Variants in PLB1 observed in about 807,000 individuals in gnomAD.
The protein encoded by PLB1 is phospholipase B1, membrane-associated.
PLB1 carries 242 observed loss-of-function variants against 227.4 expected under a neutral mutation model. That is an observed-to-expected ratio of 1.06 (90% CI 0.96 to 1.18). The LOEUF (loss-of-function observed/expected upper bound fraction) is 1.18, where lower values mean the gene tolerates loss of function less well. PLB1 is among the 50% of genes most tolerant of loss of function. PLB1 has a pLI of 0.00. For synonymous variants in PLB1, 757 were observed against 682.2 expected (o/e 1.11, Z -1.71); for missense variants, 1,858 against 1,816.3 (o/e 1.02, Z -0.42).
intron 25 of PLB1, among the ~76,000 whole-genome samples, chr2:28,582,741 T>A (rs1487193819): frequency 6.6e-6 from 1 of 152,108 alleles, no homozygotes; most frequent in East Asian, 1.9e-4. Flanking sequence ...CCGCCTCTGT[T>A]GCCATGGCAG....
chr2:28,591,860 G>A, intron 31 of PLB1, 100 bp downstream of exon 31: 1 of 1,173,480 alleles, frequency 8.5e-7, no homozygotes, highest in Non-Finnish European at 1.2e-6. Flanking sequence ...AAATGGCACA[G>A]TGACGGCCAG....
chr2:28,552,878 C>G (rs200614649), intron 16 of PLB1, 50 bp from the exon 17 acceptor site: 93 of 1,520,016 alleles, frequency 6.1e-5, no homozygotes, highest in Admixed American at 5.0e-5. Context: ...TCACCCATTT[C>G]CAGTTTAGAA....
In PLB1 at chr2:28,601,272, C is replaced by CT. The variant is rs760005083; in HGVS notation, c.2548dup (p.Trp850LeufsTer15). ...TATAGAGAGTAAATTTCCATGAAGA[C>CT]TGGAAGGTCATCACAGTGCTGATCG... On this transcript the variant is annotated frameshift_variant, in exon 37 of 58. Transcript: ENST00000327757. LOFTEE classifies it high-confidence loss of function. 11 of 1,613,890 alleles carry CT rather than the reference C, an allele frequency of 6.8e-6. No homozygotes were observed. In the South Asian group the frequency reaches 1.1e-4, roughly 16 times the overall value.
At chr2:28,569,793 C>T (rs556156151) in intron 20 of PLB1, among the ~76,000 whole-genome samples, 14 of 151,552 alleles carry the variant, frequency 9.2e-5, no homozygotes, top group Non-Finnish European at 1.5e-4. Context: ...GGTGAAACCC[C>T]GTCTCTACTA....
chr2:28,586,034 C>A (rs937498234), intron 26 of PLB1, among the ~76,000 whole-genome samples, 192 bp downstream of exon 26: 1 of 152,200 alleles, frequency 6.6e-6, no homozygotes, highest in African/African-American at 2.4e-5. Flanking sequence ...CACCACAGAA[C>A]CAAGTCCCTG....
chr2:28,606,101 A>G (rs978506895), intron 42 of PLB1, among the ~76,000 whole-genome samples, 153 bp downstream of exon 42: 13 of 152,108 alleles, frequency 8.5e-5, no homozygotes, highest in Non-Finnish European at 1.6e-4. Context: ...AGTCCTTAAG[A>G]GTCTGCTCAG....
At chr2:28,519,662 G>A in intron 3 of PLB1, 43 bp from the exon 4 acceptor site, 1 of 1,447,374 alleles carries the variant, frequency 6.9e-7, no homozygotes, top group Non-Finnish European at 9.7e-7. Flanking sequence ...ACATCATGGG[G>A]AATGTAGATC....
At chr2:28,504,803 A>T (rs1667474391) in intron 1 of PLB1, among the ~76,000 whole-genome samples, 1 of 152,172 alleles carries the variant, frequency 6.6e-6, no homozygotes, top group African/African-American at 2.4e-5. Flanking sequence ...AATTTTGATG[A>T]TTTTAGTATC....
At chr2:28,551,334 G>A (rs1156777901) in intron 16 of PLB1, among the ~76,000 whole-genome samples, 2 of 152,190 alleles carry the variant, frequency 1.3e-5, no homozygotes, top group Non-Finnish European at 2.9e-5. Context: ...GATTAGGCAG[G>A]GCACCCTGCA....
chr2:28,541,230 C>T (rs1190509533), intron 12 of PLB1, among the ~76,000 whole-genome samples: 1 of 150,292 alleles, frequency 6.7e-6, no homozygotes, highest in African/African-American at 2.5e-5. Flanking sequence ...TCAATGAAAG[C>T]CACCATCCCT....
intron 17 of PLB1, among the ~76,000 whole-genome samples, chr2:28,555,340 C>T (rs891923603): frequency 6.6e-6 from 1 of 152,020 alleles, no homozygotes; most frequent in African/African-American, 2.4e-5. Flanking sequence ...CAGGGTTTCG[C>T]CATGTTGGCC....
intron 4 of PLB1, 114 bp from the exon 5 acceptor site, chr2:28,525,153 G>T: frequency 3.2e-6 from 3 of 941,618 alleles, no homozygotes; most frequent in South Asian, 3.0e-5. Flanking sequence ...GCCTGGGCTT[G>T]TAGGTTCCCT....
chr2:28,504,200 C>T (rs1380469475), intron 1 of PLB1, among the ~76,000 whole-genome samples: 1 of 152,198 alleles, frequency 6.6e-6, no homozygotes, highest in African/African-American at 2.4e-5. Flanking sequence ...CTCTTCACCT[C>T]TCTACCAACT....
chr2:28,554,674 C>G (rs1291626647), intron 17 of PLB1, among the ~76,000 whole-genome samples: 1 of 151,896 alleles, frequency 6.6e-6, no homozygotes, highest in Non-Finnish European at 1.5e-5. Flanking sequence ...AAAGTAATAT[C>G]CATTCCCTTT....
At chr2:28,556,189 T>C (rs1247805613) in intron 17 of PLB1, among the ~76,000 whole-genome samples, 1 of 152,202 alleles carries the variant, frequency 6.6e-6, no homozygotes, top group Non-Finnish European at 1.5e-5. Context: ...ACCTTCTTTA[T>C]AGTCTCATTT....
intron 33 of PLB1, among the ~76,000 whole-genome samples, chr2:28,596,934 G>A (rs1245228474): frequency 1.3e-5 from 2 of 152,220 alleles, no homozygotes; most frequent in South Asian, 2.1e-4. Flanking sequence ...AGAAGTCTTT[G>A]CTGGTGGGCT....
At chr2:28,586,290 G>A (rs1680895532) in intron 26 of PLB1, among the ~76,000 whole-genome samples, 1 of 152,202 alleles carries the variant, frequency 6.6e-6, no homozygotes, top group African/African-American at 2.4e-5. Context: ...AGGGTTCAGT[G>A]ACACAGGGTG....
chr2:28,516,112 A>G (rs1668821487), intron 1 of PLB1, among the ~76,000 whole-genome samples: 1 of 151,932 alleles, frequency 6.6e-6, no homozygotes, highest in Non-Finnish European at 1.5e-5. Context: ...TGTGTAGATA[A>G]AAAACATGGG....
chr2:28,603,665 A>G (rs1295868397), intron 39 of PLB1, among the ~76,000 whole-genome samples: 2 of 152,196 alleles, frequency 1.3e-5, no homozygotes, highest in Non-Finnish European at 2.9e-5. Context: ...TCACTGCCCA[A>G]ATTCATTTGC....
Sources: allele counts gnomAD v4.1 joint callset (sites outside exome capture counted in the v4.1 genomes callset), GRCh38; gene constraint gnomAD v4.1.1; transcripts MANE v1.5; gene names NCBI Gene and HGNC (gene_info 2026-07-23, HGNC 2026-07-21).